TLCD4: variants seen among roughly 807,000 people sequenced by gnomAD.
The protein encoded by TLCD4 is TLC domain containing 4.
A neutral mutation model predicts 24.2 loss-of-function variants in TLCD4; 7 were observed. That is an observed-to-expected ratio of 0.29 (90% confidence interval 0.16 to 0.54). The LOEUF is 0.54. TLCD4 is among the 20% of genes least tolerant of loss of function. The pLI is 0.95. For missense variants in TLCD4, 259 were observed against 313.9 expected, an observed-to-expected ratio of 0.82 and a Z score of 1.32; for synonymous variants, 103 against 106.4, an observed-to-expected ratio of 0.97 and a Z score of 0.20.
intron 1 of TLCD4, among the ~76,000 whole-genome samples, chr1:95,139,970 A>T (rs1677153762): frequency 1.3e-5 from 2 of 152,218 alleles, no homozygotes; most frequent in South Asian, 2.1e-4. Flanking sequence ...GTCCACCTCC[A>T]CATCTTGTCC....
intron 5 of TLCD4, among the ~76,000 whole-genome samples, chr1:95,171,528 A>G (rs1021557685): frequency 6.6e-6 from 1 of 152,244 alleles, no homozygotes; most frequent in Non-Finnish European, 1.5e-5. Flanking sequence ...AACCTACCAC[A>G]CTGTGAATAC....
chr1:95,124,043 A>C lies in TLCD4; in HGVS notation c.-12+6426A>C, dbSNP rs1207667750. On this transcript the variant is annotated intron_variant, in intron 1 of 6. Coordinates refer to ENST00000370203, the MANE Select transcript of TLCD4 (RefSeq NM_152487.3). Reference sequence around the variant, plus strand: ...TGGGGATTTCAAGGTGGGGCAATGCATCCTCCTTACCTACAAGAGGTCACT... The same window carrying C: ...TGGGGATTTCAAGGTGGGGCAATGCCTCCTCCTTACCTACAAGAGGTCACT... Among the ~76,000 whole-genome samples the C allele has an allele frequency of 5.3e-5, 8 of 152,236 alleles. No individual in the cohort carries two copies. The East Asian group carries it at 1.5e-3, about 29-fold the overall frequency.
chr1:95,191,024 T>C (rs1679010541), intron 6 of TLCD4, among the ~76,000 whole-genome samples: 1 of 152,198 alleles, frequency 6.6e-6, no homozygotes, highest in South Asian at 2.1e-4. Flanking sequence ...CTTTTGGTGT[T>C]GTATCTAAAA....
At chr1:95,175,987 G>A (rs1225131973) in intron 6 of TLCD4, among the ~76,000 whole-genome samples, 1 of 151,860 alleles carries the variant, frequency 6.6e-6, no homozygotes, top group Non-Finnish European at 1.5e-5. Flanking sequence ...TGTTGCCCAG[G>A]CTGGTCTCCA....
In TLCD4 at chr1:95,151,400, A is replaced by C; in HGVS notation, c.380A>C (p.Tyr127Ser). 1 of 1,613,232 alleles carries C rather than the reference A, an allele frequency of 6.2e-7. No individual in the cohort carries two copies. Among genetic ancestry groups the C allele is most frequent in the Non-Finnish European group, 8.5e-7 (1 of 1,179,440 alleles). The change falls in exon 5 of 7, where the codon TAT (tyrosine) becomes TCT (serine). Residue 127 changes from tyrosine (Y) to serine (S), a missense_variant. Physicochemically the swap from Tyr to Ser is moderately radical, Grantham distance 144. Coordinates refer to ENST00000370203, the MANE Select transcript of TLCD4 (RefSeq NM_152487.3). ...ATAATGCATCATTGTGCGTCCCTGT[A>C]TGCATACTACCTTGTACTGGTGAGT... ...FFIMHHCASL[Y>S]AYYLVLKNGV...
At chr1:95,124,331 A>G (rs962162812) in intron 1 of TLCD4, among the ~76,000 whole-genome samples, 18 of 152,208 alleles carry the variant, frequency 1.2e-4, no homozygotes, top group African/African-American at 4.3e-4. Flanking sequence ...ATGATCTATA[A>G]CAAGCTTCAG....
At chr1:95,126,212 A>G (rs1392540447) in intron 1 of TLCD4, among the ~76,000 whole-genome samples, 1 of 151,972 alleles carries the variant, frequency 6.6e-6, no homozygotes, top group Non-Finnish European at 1.5e-5. Flanking sequence ...GGATCACTTG[A>G]GGTCAGGAGT....
At chr1:95,122,227 G>A (rs970108096) in intron 1 of TLCD4, among the ~76,000 whole-genome samples, 2 of 152,196 alleles carry the variant, frequency 1.3e-5, no homozygotes, top group Non-Finnish European at 2.9e-5. Flanking sequence ...ACACATGGTG[G>A]CATGTGCCTG....
chr1:95,173,952 C>A, intron 6 of TLCD4, 63 bp downstream of exon 6: 2 of 1,598,016 alleles, frequency 1.3e-6, no homozygotes, highest in Admixed American at 1.7e-5. Context: ...TTGGGCAAAT[C>A]CTTTTCCCGT....
At chr1:95,150,313 C>T (rs1035204795) in intron 4 of TLCD4, 47 bp downstream of exon 4, 9 of 1,591,600 alleles carry the variant, frequency 5.7e-6, no homozygotes, top group East Asian at 4.5e-5. Context: ...AAACTACTCA[C>T]GGAATTATAC....
Position 95,143,857 on chromosome 1 carries a change from GACA to G in TLCD4, c.-11-29_-11-27del, listed in dbSNP as rs766592648. 35 of 1,332,812 alleles carry G rather than the reference GACA, an allele frequency of 2.6e-5. No homozygotes were observed. The African/African-American group carries it at 4.2e-4, about 16-fold the overall frequency. The allele number at this position is 1,332,812 out of a possible 1,614,324, so 82.6% of individuals were successfully genotyped here. On this transcript the variant is annotated intron_variant, in intron 1 of 6. Coordinates refer to ENST00000370203, the MANE Select transcript of TLCD4 (RefSeq NM_152487.3). Reference sequence around the variant, plus strand: ...AAAAATTACTCTAGGTTTATTATGAGACAACAATTTATAGCTGTCATTTATCTT... The same window carrying G: ...AAAAATTACTCTAGGTTTATTATGAGACAATTTATAGCTGTCATTTATCTT...
chr1:95,134,211 G>A (rs1487110973), intron 1 of TLCD4, among the ~76,000 whole-genome samples: 1 of 152,084 alleles, frequency 6.6e-6, no homozygotes, highest in Admixed American at 6.6e-5. Context: ...TAGGAGATGC[G>A]AGCCAACAAA....
At chr1:95,159,865 A>G (rs1343184533) in intron 5 of TLCD4, among the ~76,000 whole-genome samples, 3 of 152,142 alleles carry the variant, frequency 2.0e-5, no homozygotes, top group African/African-American at 4.8e-5. Context: ...ATTGGTCAAC[A>G]TCTCTGTTTT....
At chr1:95,099,165 C>T in the TLCD4 span, among the ~76,000 whole-genome samples, 2 of 151,760 alleles carry the variant, frequency 1.3e-5, no homozygotes, top group East Asian at 1.9e-4. Flanking sequence ...CGGTGGCTCA[C>T]GCCTATAATT....
At chr1:95,180,326 T>C (rs951803318) in intron 6 of TLCD4, among the ~76,000 whole-genome samples, 8 of 151,566 alleles carry the variant, frequency 5.3e-5, no homozygotes, top group Admixed American at 2.0e-4. Context: ...TAAAAACTTA[T>C]ACTGTACCTT....
intron 3 of TLCD4, among the ~76,000 whole-genome samples, chr1:95,149,123 T>C (rs1677426660): frequency 6.6e-6 from 1 of 152,174 alleles, no homozygotes; most frequent in African/African-American, 2.4e-5. Flanking sequence ...GATAGGGTAG[T>C]CAACTTGGAT....
chr1:95,159,952 A>G (rs111454048), intron 5 of TLCD4, among the ~76,000 whole-genome samples: 1 of 152,022 alleles, frequency 6.6e-6, no homozygotes, highest in African/African-American at 2.4e-5. Context: ...TGCCTCCAGC[A>G]TTGTTCTTTT....
At chr1:95,183,637 C>T (rs532435703) in intron 6 of TLCD4, among the ~76,000 whole-genome samples, 8 of 150,962 alleles carry the variant, frequency 5.3e-5, no homozygotes, top group Non-Finnish European at 8.8e-5. Context: ...AGGAGGAGAT[C>T]GAGACCATTC....
intron 2 of TLCD4, among the ~76,000 whole-genome samples, chr1:95,147,843 T>A (rs921820725): frequency 3.3e-5 from 5 of 152,186 alleles, no homozygotes; most frequent in African/African-American, 1.2e-4. Flanking sequence ...ATTGTATGGA[T>A]GAATACACAG....
Sources: allele counts gnomAD v4.1 joint callset (sites outside exome capture counted in the v4.1 genomes callset), GRCh38; gene constraint gnomAD v4.1.1; transcripts MANE v1.5; gene names NCBI Gene and HGNC (gene_info 2026-07-23, HGNC 2026-07-21).